Variants in DCLRE1C observed in about 807,000 individuals in gnomAD.
DCLRE1C encodes DNA cross-link repair 1C.
DCLRE1C carries 47 observed loss-of-function variants against 61.4 expected under a neutral mutation model. The ratio of observed to expected loss-of-function variants is 0.77; its 90% CI spans 0.61 to 0.98. The LOEUF (loss-of-function observed/expected upper bound fraction) is 0.98. Ranked by LOEUF, DCLRE1C falls within the 50% of genes least tolerant of loss-of-function variation. The pLI, the probability that DCLRE1C is intolerant of heterozygous loss-of-function variation, is 0.00. For synonymous variants in DCLRE1C, 337 were observed against 287.6 expected (o/e 1.17, Z -1.74); for missense variants, 858 against 816.0 (o/e 1.05, Z -0.63).
chr10:14,925,620 A>G (rs1837843876), intron 11 of DCLRE1C, among the ~76,000 whole-genome samples: 1 of 152,182 alleles, frequency 6.6e-6, no homozygotes, highest in Non-Finnish European at 1.5e-5. Context: ...TTGATCCATT[A>G]ACATTGAACT....
intron 13 of DCLRE1C, among the ~76,000 whole-genome samples, chr10:14,914,832 T>G (rs768210903): frequency 5.3e-5 from 8 of 151,818 alleles, no homozygotes; most frequent in Non-Finnish European, 1.0e-4. Context: ...TCCAGCTACT[T>G]CGGATGCTGA....
Position 14,954,071 on chromosome 10 carries a change from G to T in DCLRE1C, c.-61C>A. On this transcript the variant is annotated 5_prime_UTR_variant, in exon 1 of 14. Coordinates refer to ENST00000378278, the MANE Select transcript of DCLRE1C (RefSeq NM_001033855.3). ...CGCAGCTGAAGCCAAGGCCAGCCCTGACCGCGCCGCCACTTCCGGGAAGCC... is the reference window on the plus strand; with the variant it reads ...CGCAGCTGAAGCCAAGGCCAGCCCTTACCGCGCCGCCACTTCCGGGAAGCC... The T allele has an allele frequency of 6.2e-7, 1 of 1,606,062 alleles. No homozygotes were observed.
Position 14,953,999 on chromosome 10 carries a change from G to A in DCLRE1C, c.12C>T (p.Phe4=), listed in dbSNP as rs755185936. The change falls in exon 1 of 14, where the codon TTC becomes TTT. Residue 4 remains phenylalanine, a synonymous_variant. Coordinates refer to ENST00000378278, the MANE Select transcript of DCLRE1C (RefSeq NM_001033855.3). ...TTGGATACTCGGCCATCTGCCCCTC[G>A]AAAGAACTCATAGCGCCGCCGATCC... MSS[F]EGQMAEYPTI... is the part of the protein sequence containing the mutation. The A allele has an allele frequency of 3.7e-6, 6 of 1,614,000 alleles. No individual in the cohort carries two copies. Among genetic ancestry groups the A allele is most frequent in the South Asian group, 1.1e-5 (1 of 91,080 alleles).
At chr10:14,946,069 G>A (rs779815941) in intron 2 of DCLRE1C, among the ~76,000 whole-genome samples, 5 of 149,748 alleles carry the variant, frequency 3.3e-5, no homozygotes, top group Admixed American at 6.7e-5. Context: ...GTGCGGTGGC[G>A]CGATCTCGGC....
downstream of DCLRE1C, chr10:14,902,691 C>T (rs922858674): frequency 2.1e-6 from 1 of 478,644 alleles, no homozygotes; most frequent in Non-Finnish European, 3.8e-6. Context: ...CACTGGGTCT[C>T]ATAGACTGAT....
At chr10:14,939,991 G>A (rs1199581818) in intron 3 of DCLRE1C, 122 bp from the exon 4 acceptor site, 31 of 694,008 alleles carry the variant, frequency 4.5e-5, no homozygotes, top group South Asian at 1.7e-4. Context: ...AAACAATTCC[G>A]ATTACATTGT....
chr10:14,935,743 G>A (rs1839802630), intron 5 of DCLRE1C, among the ~76,000 whole-genome samples, 179 bp from the exon 6 acceptor site: 1 of 152,046 alleles, frequency 6.6e-6, no homozygotes, highest in African/African-American at 2.4e-5. Context: ...CTTCCCTCGG[G>A]TAGAAAATAA....
intron 10 of DCLRE1C, among the ~76,000 whole-genome samples, chr10:14,927,306 A>T (rs1838172738): frequency 6.6e-6 from 1 of 150,876 alleles, no homozygotes; most frequent in South Asian, 2.1e-4. Flanking sequence ...GAATCACTTG[A>T]ACCGGGAGGC....
chr10:14,917,309 C>T (rs1281110503), intron 13 of DCLRE1C, among the ~76,000 whole-genome samples: 1 of 151,930 alleles, frequency 6.6e-6, no homozygotes, highest in African/African-American at 2.4e-5. Flanking sequence ...TGGCAGAAAA[C>T]AGGAGAAAAT....
intron 1 of DCLRE1C, among the ~76,000 whole-genome samples, chr10:14,953,449 G>A (rs1421963481): frequency 6.6e-6 from 1 of 152,114 alleles, no homozygotes; most frequent in African/African-American, 2.4e-5. Context: ...CAAAGGCCAA[G>A]GAGCTTGCAC....
intron 2 of DCLRE1C, chr10:14,947,704 T>A (rs1841902237): frequency 6.6e-6 from 1 of 152,228 alleles, no homozygotes. Flanking sequence ...CTTGCATCTG[T>A]GTGGCTCACT....
rs1257281252 is a variant in DCLRE1C, at chr10:14,907,007, T to C, written c.*1401A>G. Among the ~76,000 whole-genome samples the C allele has an allele frequency of 6.6e-6, 1 of 152,064 alleles. No homozygotes were observed. Among genetic ancestry groups the C allele is most frequent in the East Asian group, 1.9e-4 (1 of 5,192 alleles). ...CCTAAGCCTTCCAAGTAGCGAGGAC[T>C]ACAGGTGCACACCACCATGTCTGGC... On this transcript the variant is annotated 3_prime_UTR_variant, in exon 14 of 14. Transcript: ENST00000378278.
intron 9 of DCLRE1C, among the ~76,000 whole-genome samples, chr10:14,930,984 C>T (rs369832879): frequency 2.6e-5 from 4 of 152,100 alleles, no homozygotes; most frequent in East Asian, 1.9e-4. Context: ...TATGCTTTAT[C>T]GTAAGGGCTA....
At chr10:14,942,615 C>T (rs530747968) in intron 3 of DCLRE1C, among the ~76,000 whole-genome samples, 734 of 152,070 alleles carry the variant, frequency 4.8e-3, no homozygotes, top group African/African-American at 0.017. Flanking sequence ...CATCACAGGA[C>T]TTTCGGGGAG....
At chr10:14,920,301 A>G in intron 12 of DCLRE1C, 1 of 786,428 alleles carries the variant, frequency 1.3e-6, no homozygotes, top group Non-Finnish European at 1.6e-6. Flanking sequence ...TTGTCATTCT[A>G]GGTCCTTAGG....
At chr10:14,920,573 G>A (rs1836935879) in intron 12 of DCLRE1C, 2 of 198,542 alleles carry the variant, frequency 1.0e-5, no homozygotes, top group Admixed American at 1.3e-4. Context: ...AACCTTTCCA[G>A]GAGTTCTGAT....
chr10:14,913,198 A>G (rs983246325), intron 13 of DCLRE1C, among the ~76,000 whole-genome samples: 8 of 152,260 alleles, frequency 5.3e-5, no homozygotes, highest in South Asian at 2.1e-4. Flanking sequence ...ACACAAATCT[A>G]TAGAGACAAA....
chr10:14,934,704 C>A lies in DCLRE1C; in HGVS notation c.536G>T (p.Arg179Leu). The A allele has an allele frequency of 1.2e-6, 2 of 1,613,688 alleles. No homozygotes were observed. Among genetic ancestry groups the A allele is most frequent in the Non-Finnish European group, 1.7e-6 (2 of 1,179,696 alleles). Reference sequence around the variant, plus strand: ...CCCTGTTCCTCCAGGCAGACTTACCCGACTTGGAATTTGGTAAAATCTTGG... The same window carrying A: ...CCCTGTTCCTCCAGGCAGACTTACCAGACTTGGAATTTGGTAAAATCTTGG... ...CDPRFYQIPS[R>L]EECLSGVLEL... The change falls in exon 7 of 14, where the codon CGG (arginine) becomes CTG (leucine). Residue 179 changes from arginine to leucine, a missense_variant and splice_region_variant. Around this residue, in one of 2 missense-constraint regions of DCLRE1C, gnomAD observed 843 missense variants for 783.5 expected, o/e 1.08. Coordinates refer to ENST00000378278, the MANE Select transcript of DCLRE1C (RefSeq NM_001033855.3).
Position 14,926,873 on chromosome 10 carries a change from AGC to A in DCLRE1C, c.940_941del (p.Ala314LeufsTer10). The A allele has an allele frequency of 6.2e-7, 1 of 1,613,638 alleles. No homozygotes were observed. The highest frequency in any genetic ancestry group is 8.5e-7 in the Non-Finnish European group (1 of 1,179,594). On this transcript the variant is annotated frameshift_variant, in exon 11 of 14. Coordinates refer to ENST00000378278, the MANE Select transcript of DCLRE1C (RefSeq NM_001033855.3). LOFTEE classifies it high-confidence loss of function. ...TGTAGGAGGAGTGAAAAGAAAAACA[AGC>A]TCTGTATGAACTCTCTCCAGTCCTA... ...IVRTGESSYR[A>X]CFSFHSSYSE...
Sources: gnomAD v4.1 joint callset for allele counts (sites outside exome capture counted in the v4.1 genomes callset) on GRCh38, gnomAD v4.1.1 for gene constraint, gnomAD v4.1.1 regional missense constraint, MANE v1.5 for transcripts, NCBI Gene and HGNC (gene_info 2026-07-23, HGNC 2026-07-21) for gene names.